The following TRMT5 variants were observed in gnomAD, a reference collection of about 807,000 sequenced individuals.
The protein encoded by TRMT5 is tRNA methyltransferase 5.
Under a neutral mutation model 42.2 loss-of-function variants are expected in TRMT5, and 31 were observed. The observed-to-expected ratio is 0.73, with a 90% confidence interval of 0.55 to 0.99. The LOEUF (loss-of-function observed/expected upper bound fraction) is 0.99, where lower values mean the gene tolerates loss of function less well. Among genes scored for constraint, TRMT5 ranks in the 50% least tolerant of loss-of-function variants. TRMT5 has a pLI of 0.00. For synonymous variants in TRMT5, 198 were observed against 209.6 expected (o/e 0.94, Z 0.48); for missense variants, 568 against 595.0 (o/e 0.95, Z 0.47).
chr14:60,980,121 T>G (rs1423610919), intron 1 of TRMT5, among the ~76,000 whole-genome samples: 1 of 152,180 alleles, frequency 6.6e-6, no homozygotes, highest in Admixed American at 6.5e-5. Context: ...TTCAGAGGGC[T>G]TAGTGATCCA....
intron 2 of TRMT5, among the ~76,000 whole-genome samples, chr14:60,978,975 G>A (rs181854077): frequency 1.6e-4 from 24 of 152,124 alleles, no homozygotes; most frequent in Admixed American, 5.2e-4. Flanking sequence ...GCCAAAGCAT[G>A]TGATTCAAGT....
chr14:60,977,164 A>G (rs1266323053), intron 3 of TRMT5, among the ~76,000 whole-genome samples: 1 of 152,142 alleles, frequency 6.6e-6, no homozygotes, highest in Non-Finnish European at 1.5e-5. Flanking sequence ...AGGTTTAAAT[A>G]TATCTCGAGA....
At chr14:60,980,008 A>G (rs2036922585) in intron 1 of TRMT5, 122 bp from the exon 2 acceptor site, 20 of 1,112,932 alleles carry the variant, frequency 1.8e-5, no homozygotes, top group Non-Finnish European at 2.5e-5. Flanking sequence ...TGTGGGAAGT[A>G]TACTATCTTT....
rs765475732 is a variant in TRMT5, at chr14:60,975,659, G to A, written c.1260C>T (p.Ser420=). The change falls in exon 4 of 5, where the codon AGC becomes AGT. Residue 420 remains serine, a synonymous_variant. Coordinates refer to ENST00000261249, the MANE Select transcript of TRMT5 (RefSeq NM_020810.3). ...SEFLPIVHCY[S]FSKDANPAED... is the part of the protein sequence containing the mutation. ...CAGCAGGGTTAGCATCTTTGGAAAA[G>A]CTATAACAATGCACTATGGGAAGGA... 1 of 1,614,204 alleles carries A rather than the reference G, an allele frequency of 6.2e-7. No homozygotes were observed. The highest frequency in any genetic ancestry group is 8.5e-7 in the Non-Finnish European group (1 of 1,180,036).
Position 60,979,338 on chromosome 14 carries a change from CT to C in TRMT5, c.559del (p.Arg187GlufsTer10). ...YEHFKSEEILRAVLPEGQDVT... is the reference protein window; with the variant it reads ...YEHFKSEEILXAVLPEGQDVT... ...ATCTTGACCTTCAGGAAGCACAGCT[CT>C]CAAGATTTCTTCTGACTTAAAGTGT... On this transcript the variant is annotated frameshift_variant, in exon 2 of 5. Coordinates refer to ENST00000261249, the MANE Select transcript of TRMT5 (RefSeq NM_020810.3). LOFTEE classifies it high-confidence loss of function. 8.1e-6 allele frequency: 13 copies of C among 1,614,102 alleles called. No individual in the cohort carries two copies. The highest frequency in any genetic ancestry group is 1.7e-5 in the Admixed American group (1 of 60,022).
intron 2 of TRMT5, 136 bp downstream of exon 2, chr14:60,979,095 C>T (rs1264741216): frequency 1.3e-5 from 10 of 794,488 alleles, no homozygotes; most frequent in Non-Finnish European, 1.4e-5. Flanking sequence ...GTATGTAGCT[C>T]AAGATCTAGC....
intron 2 of TRMT5, among the ~76,000 whole-genome samples, chr14:60,978,793 G>T (rs577377285): frequency 1.3e-5 from 2 of 152,312 alleles, no homozygotes; most frequent in Admixed American, 1.3e-4. Flanking sequence ...TAACAGGACA[G>T]TATGGTGCTT....
In TRMT5 at chr14:60,972,359, C is replaced by T; in HGVS notation, c.*2750G>A. 1.8e-6 allele frequency: 1 copy of T among 544,112 alleles called. No homozygotes were observed. The highest frequency in any genetic ancestry group is 3.7e-6 in the Non-Finnish European group (1 of 270,238). The allele number at this position is 544,112 out of a possible 1,614,324, so 33.7% of individuals were successfully genotyped here. ...GGGCCTTTTTAGGCTTGGGCTCTGGCTTTGGAGGAGCAGGTTTAGCAGACA... is the reference window on the plus strand; with the variant it reads ...GGGCCTTTTTAGGCTTGGGCTCTGGTTTTGGAGGAGCAGGTTTAGCAGACA... On this transcript the variant is annotated 3_prime_UTR_variant, in exon 5 of 5. Transcript: ENST00000261249.
upstream of TRMT5, chr14:60,981,379 C>T (rs774018718): frequency 6.3e-7 from 1 of 1,596,486 alleles, no homozygotes; most frequent in Non-Finnish European, 8.5e-7. Flanking sequence ...CGTTGCTAAG[C>T]AACGTAAGTG....
At chr14:60,977,957 T>A (rs980486944) in intron 2 of TRMT5, among the ~76,000 whole-genome samples, 10 of 152,118 alleles carry the variant, frequency 6.6e-5, no homozygotes, top group African/African-American at 2.2e-4. Flanking sequence ...AAAAGGTAGA[T>A]CACAAGGAAT....
rs1183620487 is a variant in TRMT5, at chr14:60,972,808, T to TA, written c.*2300dup. 7 of 168,168 alleles carry TA rather than the reference T, an allele frequency of 4.2e-5. No individual in the cohort carries two copies. The highest frequency in any genetic ancestry group is 7.6e-5 in the Non-Finnish European group (6 of 78,670). 10.4% of individuals were successfully genotyped at this position (168,168 alleles called of 1,614,324 possible). ...AAAAATGTCTTCTCATACAGATAGG[T>TA]ATTGCCAAATACTGCTATCAATCCA... On this transcript the variant is annotated 3_prime_UTR_variant, in exon 5 of 5. Transcript: ENST00000261249.
In TRMT5 at chr14:60,974,368, T is replaced by C. The variant is rs1185274952; in HGVS notation, c.*741A>G. The C allele has an allele frequency of 6.6e-6, 1 of 152,268 alleles. No homozygotes were observed. The highest frequency in any genetic ancestry group is 1.9e-4 in the East Asian group (1 of 5,190). The allele number at this position is 152,268 out of a possible 1,614,324, so 9.4% of individuals were successfully genotyped here. A position where few individuals can be genotyped will look rare whatever the true frequency, so the allele number is the denominator to read the frequency against. ...CACATATACTAAAAAACTGGAATGG[T>C]ACAGAGAAGATCAGAATGGTCCCTG... On this transcript the variant is annotated 3_prime_UTR_variant, in exon 5 of 5. Coordinates refer to ENST00000261249, the MANE Select transcript of TRMT5 (RefSeq NM_020810.3).
Position 60,979,291 on chromosome 14 carries a change from T to TTTGCTAAA in TRMT5, c.606_607insTTTAGCAA (p.Ile203PhefsTer10), listed in dbSNP as rs1290875131. On this transcript the variant is annotated frameshift_variant, in exon 2 of 5. Transcript: ENST00000261249. LOFTEE classifies it high-confidence loss of function. ...AGGTTTAGGTGTGCAATATGTCCAA[T>TTTGCTAAA]CCTGCTAAACCCTGAAGTTACATCT... is the stretch of plus-strand genomic sequence containing the variant. 6.2e-7 allele frequency: 1 copy of TTTGCTAAA among 1,614,122 alleles called. No homozygotes were observed. Among genetic ancestry groups the TTTGCTAAA allele is most frequent in the Non-Finnish European group, 8.5e-7 (1 of 1,179,988 alleles).
At chr14:60,981,311 C>T (rs779350906), upstream of TRMT5, 4 of 1,610,166 alleles carry the variant, frequency 2.5e-6, no homozygotes, top group South Asian at 4.5e-5. Context: ...CAACGCTGAG[C>T]GGGGCTGGTA....
chr14:60,980,926 C>T (rs1342758776), intron 1 of TRMT5, 37 bp downstream of exon 1: 1 of 1,612,580 alleles, frequency 6.2e-7, no homozygotes, highest in East Asian at 2.2e-5. Context: ...TGGTACCTCC[C>T]CTGGACCATT....
chr14:60,976,000 C>G lies in TRMT5; in HGVS notation c.919G>C (p.Ala307Pro), dbSNP rs144959687. ...GGAATGGCAAAGGGCCCAACCCCAG[C>G]AAAAACATCAAATAGGACATCCCCA... ...KPGDVLFDVFAGVGPFAIPVA... is the reference protein window; with the variant it reads ...KPGDVLFDVFPGVGPFAIPVA... The change falls in exon 4 of 5, where the codon GCT becomes CCT. Residue 307 changes from alanine to proline, a missense_variant. Ala to Pro is a conservative substitution (Grantham distance 27, BLOSUM62 -1). Transcript: ENST00000261249. 6.2e-7 allele frequency: 1 copy of G among 1,614,168 alleles called. No individual in the cohort carries two copies. The highest frequency in any genetic ancestry group is 8.5e-7 in the Non-Finnish European group (1 of 1,180,024).
rs777922049 is a variant in TRMT5, at chr14:60,979,868, A to C, written c.30T>G (p.Phe10Leu). Reference protein sequence around the residue: MVLWILWRPFGFSGRFLKLE... With the variant: MVLWILWRPLGFSGRFLKLE... ...GTTTCAGAAATCTTCCTGAGAATCC[A>C]AATGGCCTCCATAAGATCCTTAAAA... is the stretch of plus-strand genomic sequence containing the variant. Residue 10 changes from phenylalanine to leucine, a missense_variant, in exon 2 of 5, where the codon TTT becomes TTG. Coordinates refer to ENST00000261249, the MANE Select transcript of TRMT5 (RefSeq NM_020810.3). 6.3e-7 allele frequency: 1 copy of C among 1,579,492 alleles called. No homozygotes were observed. Among genetic ancestry groups the C allele is most frequent in the East Asian group, 2.3e-5 (1 of 44,428 alleles).
chr14:60,980,914 G>A (rs1363677036), intron 1 of TRMT5, 49 bp downstream of exon 1: 1 of 1,611,978 alleles, frequency 6.2e-7, no homozygotes, highest in African/African-American at 1.3e-5. Flanking sequence ...CCCTGGGCGG[G>A]CTGGTACCTC....
upstream of TRMT5, chr14:60,981,166 G>C (rs553302302): frequency 9.4e-5 from 145 of 1,535,496 alleles, 1 homozygote; most frequent in Admixed American, 8.6e-4. Context: ...GGTGAAGTAC[G>C]GAATGCCGGA....
Sources: allele counts gnomAD v4.1 joint callset (sites outside exome capture counted in the v4.1 genomes callset), GRCh38; gene constraint gnomAD v4.1.1; transcripts MANE v1.5; gene names NCBI Gene and HGNC (gene_info 2026-07-23, HGNC 2026-07-21).